The following TRPM7 variants were observed in gnomAD, a reference collection of about 807,000 sequenced individuals.
TRPM7 encodes the protein LTRPC ion channel family member 7.
In TRPM7, 134 loss-of-function variants were observed where a neutral mutation model predicts 229.7. The ratio of observed to expected loss-of-function variants is 0.58; its 90% CI spans 0.51 to 0.67. The LOEUF (loss-of-function observed/expected upper bound fraction) is 0.67. Ranked by LOEUF, TRPM7 falls within the 30% of genes least tolerant of loss-of-function variation. The pLI, the probability that TRPM7 is intolerant of heterozygous loss-of-function variation, is 0.00. For synonymous variants in TRPM7, 699 were observed against 715.2 expected (o/e 0.98, Z 0.36); for missense variants, 1,901 against 2,210.0 (o/e 0.86, Z 2.80).
At chr15:50,682,446 T>C (rs1249132081) in intron 1 of TRPM7, among the ~76,000 whole-genome samples, 1 of 151,512 alleles carries the variant, frequency 6.6e-6, no homozygotes, top group Non-Finnish European at 1.5e-5. Context: ...GGCGTTGTGG[T>C]GTGTGCCTGT....
chr15:50,570,672 A>G (rs2053835210), intron 36 of TRPM7, among the ~76,000 whole-genome samples: 2 of 118,046 alleles, frequency 1.7e-5, no homozygotes, highest in Admixed American at 2.0e-4. Context: ...GTGAAACTTC[A>G]TTCCTAAAAA....
intron 4 of TRPM7, among the ~76,000 whole-genome samples, chr15:50,647,152 A>C (rs2061292102): frequency 6.6e-6 from 1 of 151,982 alleles, no homozygotes; most frequent in Admixed American, 6.5e-5. Flanking sequence ...TCTTTTTTTG[A>C]GACAGTCTTG....
intron 31 of TRPM7, among the ~76,000 whole-genome samples, chr15:50,577,194 G>A (rs1444876515): frequency 6.6e-6 from 1 of 151,924 alleles, no homozygotes; most frequent in African/African-American, 2.4e-5. Context: ...GTCATGTTAA[G>A]GAAGAACACT....
In TRPM7 at chr15:50,594,474, A is replaced by G. The variant is rs2059586131; in HGVS notation, c.3430T>C (p.Cys1144Arg). 6.2e-7 allele frequency: 1 copy of G among 1,612,990 alleles called. No individual in the cohort carries two copies. Among genetic ancestry groups the G allele is most frequent in the African/African-American group, 1.3e-5 (1 of 74,882 alleles). ...ILSHIVSLFC[C>R]ICKRRKKDKT... is the part of the protein sequence containing the mutation. The stretch of plus-strand genomic sequence containing the variant: ...TCTTTCTTTCTTCTCTTACATATGC[A>G]GCAAAACAGAGAAACTATATGGCTA... Residue 1144 changes from cysteine to arginine, a missense_variant, in exon 24 of 39, where the codon TGC (cysteine) becomes CGC (arginine). Around this residue, in one of 8 missense-constraint regions of TRPM7, gnomAD observed 533 missense variants for 497.1 expected, o/e 1.07. Coordinates refer to ENST00000646667, the MANE Select transcript of TRPM7 (RefSeq NM_017672.6).
intron 3 of TRPM7, among the ~76,000 whole-genome samples, chr15:50,655,338 CAGG>C (rs1055114950): frequency 2.0e-5 from 3 of 150,080 alleles, no homozygotes; most frequent in African/African-American, 7.4e-5. Flanking sequence ...ATGGCTGAGG[CAGG>C]AGAATTGCTT....
intron 12 of TRPM7, among the ~76,000 whole-genome samples, chr15:50,622,230 C>T (rs2060428254): frequency 6.6e-6 from 1 of 152,004 alleles, no homozygotes; most frequent in Non-Finnish European, 1.5e-5. Flanking sequence ...ACAAACAAAA[C>T]CTCTTTAGAA....
At chr15:50,677,149 G>T (rs1260663366) in intron 1 of TRPM7, among the ~76,000 whole-genome samples, 1 of 152,174 alleles carries the variant, frequency 6.6e-6, no homozygotes, top group Non-Finnish European at 1.5e-5. Flanking sequence ...AGGAGGGCCA[G>T]TGTCTGATGA....
At chr15:50,591,441 A>C (rs960847230) in intron 26 of TRPM7, among the ~76,000 whole-genome samples, 1 of 152,186 alleles carries the variant, frequency 6.6e-6, no homozygotes, top group Non-Finnish European at 1.5e-5. Flanking sequence ...GTTATGTGCC[A>C]ATATAACTCT....
chr15:50,599,326 A>C (rs2059715203), intron 21 of TRPM7, 30 bp from the exon 22 acceptor site: 6 of 1,535,954 alleles, frequency 3.9e-6, no homozygotes, highest in Non-Finnish European at 5.3e-6. Flanking sequence ...GTTAAAATAC[A>C]AGGAAGTTTA....
intron 1 of TRPM7, among the ~76,000 whole-genome samples, chr15:50,680,722 T>TA (rs35888069): frequency 6.0e-4 from 91 of 152,126 alleles, no homozygotes; most frequent in Non-Finnish European, 1.2e-3. Flanking sequence ...ATAACTTTTT[T>TA]AAAAAAAACC....
chr15:50,592,232 G>A lies in TRPM7; in HGVS notation c.4003C>T (p.Pro1335Ser), dbSNP rs567561162. The A allele has an allele frequency of 1.9e-6, 3 of 1,614,154 alleles. No homozygotes were observed. Among genetic ancestry groups the A allele is most frequent in the African/African-American group, 1.3e-5 (1 of 75,038 alleles). Residue 1335 changes from proline to serine, a missense_variant, in exon 26 of 39, where the codon CCT becomes TCT. Pro to Ser is a moderately conservative substitution (Grantham distance 74, BLOSUM62 -1). Coordinates refer to ENST00000646667, the MANE Select transcript of TRPM7 (RefSeq NM_017672.6). ...PQCNIFGQDL[P>S]AVPQRKEFNF... ...AATTCTTTTCTCTGGGGTACTGCAG[G>A]TAAGTCTTGACCAAATATATTACAC...
chr15:50,628,450 A>G (rs1370227924), intron 10 of TRPM7, among the ~76,000 whole-genome samples: 1 of 152,024 alleles, frequency 6.6e-6, no homozygotes, highest in Non-Finnish European at 1.5e-5. Flanking sequence ...GAGACTACAG[A>G]TGAGCACCAC....
In TRPM7 at chr15:50,570,040, G is replaced by A. The variant is rs767306833; in HGVS notation, c.5361-47C>T. 9 of 1,587,006 alleles carry A rather than the reference G, an allele frequency of 5.7e-6. No homozygotes were observed. The Admixed American group carries it at 8.7e-5, about 15-fold the overall frequency. ...AAAAAACAACAAAAAAAAGGGGGCA[G>A]TTTATACAGGTACAAATATAAAATG... is the stretch of plus-strand genomic sequence containing the variant. On this transcript the variant is annotated intron_variant, in intron 37 of 38. Transcript: ENST00000646667.
chr15:50,634,305 A>G, intron 8 of TRPM7, 77 bp downstream of exon 8: 1 of 1,146,496 alleles, frequency 8.7e-7, no homozygotes, highest in South Asian at 2.1e-5. Flanking sequence ...AGGCTGGGAG[A>G]CACAGCAAGA....
Position 50,561,442 on chromosome 15 carries a change from T to C in TRPM7, c.*236A>G, listed in dbSNP as rs62021060. 0.16 allele frequency: 70,789 copies of C among 429,324 alleles called. 7,134 individuals are homozygous for C. The highest frequency in any genetic ancestry group is 0.28 in the Admixed American group (6,799 of 23,916). 26.6% of individuals were successfully genotyped at this position (429,324 alleles called of 1,614,324 possible). ...ATACAAAGAGCCCTTTAAAAAGTTA[T>C]AAATACTAATTATCAATTACCTTTA... is the stretch of plus-strand genomic sequence containing the variant. On this transcript the variant is annotated 3_prime_UTR_variant, in exon 39 of 39. Coordinates refer to ENST00000646667, the MANE Select transcript of TRPM7 (RefSeq NM_017672.6).
intron 1 of TRPM7, among the ~76,000 whole-genome samples, chr15:50,680,161 GAGGC>G (rs768717648): frequency 3.3e-5 from 5 of 152,060 alleles, no homozygotes; most frequent in Non-Finnish European, 7.4e-5. Flanking sequence ...TTGAACCCGG[GAGGC>G]AGAGGCTGCA....
At chr15:50,678,674 T>C (rs116610961) in intron 1 of TRPM7, among the ~76,000 whole-genome samples, 191 of 152,174 alleles carry the variant, frequency 1.3e-3, no homozygotes, top group African/African-American at 4.5e-3. Flanking sequence ...TATGAGAGTT[T>C]TAAAGATATT....
At chr15:50,585,137 C>A (rs987255660) in intron 28 of TRPM7, among the ~76,000 whole-genome samples, 12 of 150,060 alleles carry the variant, frequency 8.0e-5, no homozygotes, top group African/African-American at 2.7e-4. Context: ...TCTCGGCTCA[C>A]TGCAAGCTCC....
chr15:50,635,605 G>A (rs900607575), intron 7 of TRPM7, among the ~76,000 whole-genome samples: 8 of 143,166 alleles, frequency 5.6e-5, no homozygotes, highest in African/African-American at 1.8e-4. Flanking sequence ...GAAAGTTGCA[G>A]TGAGCTGAGA....
Sources: allele counts gnomAD v4.1 joint callset (sites outside exome capture counted in the v4.1 genomes callset), GRCh38; gene constraint gnomAD v4.1.1; regional missense constraint gnomAD v4.1.1; transcripts MANE v1.5; gene names NCBI Gene and HGNC (gene_info 2026-07-23, HGNC 2026-07-21).